Variants in KLF8 observed in about 807,000 individuals in gnomAD.
The protein encoded by KLF8 is KLF transcription factor 8.
Under a neutral mutation model 18.2 loss-of-function variants are expected in KLF8, and 10 were observed. That is an observed-to-expected ratio of 0.55 (90% CI 0.34 to 0.93). The LOEUF (loss-of-function observed/expected upper bound fraction) is 0.93. Among genes scored for constraint, KLF8 ranks in the 40% least tolerant of loss-of-function variants. The pLI, the probability that KLF8 is intolerant of heterozygous loss-of-function variation, is 0.02. For synonymous variants in KLF8, 109 were observed against 97.3 expected, an observed-to-expected ratio of 1.12 and a Z score of -0.71; for missense variants, 264 against 277.9, an observed-to-expected ratio of 0.95 and a Z score of 0.36.
intron 1 of KLF8, among the ~76,000 whole-genome samples, chrX:56,242,103 A>G (rs1345273973): frequency 8.9e-6 from 1 of 112,590 alleles, no homozygotes; most frequent in Admixed American, 9.4e-5. Flanking sequence ...GACTTTTATC[A>G]TAATTCCTCT....
At chrX:56,187,100 G>A in the KLF8 span, among the ~76,000 whole-genome samples, 2 of 111,174 alleles carry the variant, frequency 1.8e-5, no homozygotes, top group Non-Finnish European at 3.8e-5. Context: ...TTTTTGAAAG[G>A]ATCAACAAAA....
At chrX:56,128,699 G>A in the KLF8 span, among the ~76,000 whole-genome samples, 3 of 111,895 alleles carry the variant, frequency 2.7e-5, no homozygotes, top group Non-Finnish European at 3.8e-5. Context: ...CCCATGTAAT[G>A]TACCAAATGG....
the KLF8 span, among the ~76,000 whole-genome samples, chrX:56,143,629 A>T: frequency 8.9e-6 from 1 of 111,853 alleles, no homozygotes; most frequent in African/African-American, 3.2e-5. Context: ...TAATTCCATT[A>T]CCAAGTTTCA....
chrX:56,243,415 C>T (rs192778847), intron 1 of KLF8: 13 of 237,057 alleles, frequency 5.5e-5, no homozygotes, highest in East Asian at 4.0e-4. Context: ...GCCATCTTAT[C>T]GGGGTTTTCT....
the KLF8 span, among the ~76,000 whole-genome samples, chrX:56,004,220 G>A: frequency 2.7e-5 from 3 of 112,534 alleles, no homozygotes; most frequent in African/African-American, 9.7e-5. Flanking sequence ...AAGGTCAAAT[G>A]AGTCAATACA....
chrX:56,250,482 G>C (rs2066692538), intron 2 of KLF8, among the ~76,000 whole-genome samples, 178 bp downstream of exon 2: 1 of 111,496 alleles, frequency 9.0e-6, no homozygotes, highest in South Asian at 3.8e-4. Context: ...AGTCAGCTGG[G>C]GAGTAGATCT....
the KLF8 span, among the ~76,000 whole-genome samples, chrX:56,173,038 A>G: frequency 9.0e-6 from 1 of 110,981 alleles, no homozygotes; most frequent in Non-Finnish European, 1.9e-5. Flanking sequence ...ATTTTCTCCC[A>G]TTCTGTAGGT....
chrX:56,153,139 T>C, the KLF8 span, among the ~76,000 whole-genome samples: 3 of 111,589 alleles, frequency 2.7e-5, no homozygotes, highest in African/African-American at 9.8e-5. Context: ...AAGCCAATAA[T>C]ATATTAATAT....
chrX:55,997,910 G>T, the KLF8 span, among the ~76,000 whole-genome samples: 1 of 110,290 alleles, frequency 9.1e-6, no homozygotes, highest in Non-Finnish European at 1.9e-5. Context: ...GCATATGGAG[G>T]ATCCCGCCAG....
chrX:56,282,347 T>C (rs1006460354), intron 5 of KLF8, among the ~76,000 whole-genome samples: 2 of 112,414 alleles, frequency 1.8e-5, no homozygotes, highest in African/African-American at 6.5e-5. Context: ...TAACATTTCA[T>C]TTGCCATCTT....
the KLF8 span, among the ~76,000 whole-genome samples, chrX:56,178,613 T>A: frequency 1.5e-3 from 173 of 112,728 alleles, 2 homozygotes; most frequent in Non-Finnish European, 3.0e-3. Context: ...TTTTATAGTT[T>A]TAGTTCTAAC....
In KLF8 at chrX:56,286,818, T is replaced by A. The variant is rs1569196556; in HGVS notation, c.*2324T>A. 3.6e-5 allele frequency: 4 copies of A among 112,159 alleles called. No individual in the cohort carries two copies. The highest frequency in any genetic ancestry group is 3.2e-5 in the African/African-American group (1 of 30,862). The allele number at this position is 112,159 out of a possible 1,213,427, so 9.2% of individuals were successfully genotyped here. ...TACAAGTTCCAAACTTGCATAATAA[T>A]TGCTAACGCACTAGGCGATATCTAG... On this transcript the variant is annotated 3_prime_UTR_variant, in exon 6 of 6. Transcript: ENST00000468660.
the KLF8 span, among the ~76,000 whole-genome samples, chrX:55,980,956 G>A: frequency 8.9e-6 from 1 of 112,338 alleles, no homozygotes; most frequent in Non-Finnish European, 1.9e-5. Flanking sequence ...ACTTTGGGAG[G>A]CCGAGGCAGG....
chrX:55,993,167 G>C, the KLF8 span, among the ~76,000 whole-genome samples: 3 of 111,238 alleles, frequency 2.7e-5, no homozygotes, highest in Admixed American at 9.6e-5. Flanking sequence ...TGGCATCCTT[G>C]TCTTGTTCTG....
At chrX:56,075,085 A>T in the KLF8 span, among the ~76,000 whole-genome samples, 1 of 110,654 alleles carries the variant, frequency 9.0e-6, no homozygotes, top group Non-Finnish European at 1.9e-5. Flanking sequence ...GAGCATTTAT[A>T]TTTAGGTCTT....
the KLF8 span, among the ~76,000 whole-genome samples, chrX:56,169,656 C>T: frequency 2.7e-5 from 3 of 111,540 alleles, no homozygotes; most frequent in East Asian, 8.6e-4. Flanking sequence ...TTATGAGTGC[C>T]AGCTCAGCTG....
the KLF8 span, among the ~76,000 whole-genome samples, chrX:56,183,741 G>A: frequency 1.8e-5 from 2 of 111,847 alleles, no homozygotes; most frequent in African/African-American, 3.2e-5. Flanking sequence ...AAAGAAGGAA[G>A]AGAAGATGAC....
At chrX:56,188,407 G>T in the KLF8 span, among the ~76,000 whole-genome samples, 1 of 111,696 alleles carries the variant, frequency 9.0e-6, no homozygotes, top group Admixed American at 9.5e-5. Flanking sequence ...CATGATCATG[G>T]GTAGGAAGAA....
At chrX:56,090,968 CT>C in the KLF8 span, among the ~76,000 whole-genome samples, 1 of 112,054 alleles carries the variant, frequency 8.9e-6, no homozygotes, top group Non-Finnish European at 1.9e-5. Flanking sequence ...ATTTTTAACG[CT>C]CAGTAGTATT....
Sources: allele counts gnomAD v4.1 joint callset (sites outside exome capture counted in the v4.1 genomes callset), GRCh38; gene constraint gnomAD v4.1.1; transcripts MANE v1.5; gene names NCBI Gene and HGNC (gene_info 2026-07-23, HGNC 2026-07-21).